Variants in GPR108 observed in about 807,000 individuals in gnomAD.
The protein encoded by GPR108 is protein GPR108.
A neutral mutation model predicts 74.3 loss-of-function variants in GPR108; 60 were observed. The ratio of observed to expected loss-of-function variants is 0.81; its 90% CI spans 0.66 to 1.00. GPR108 has a LOEUF of 1.00. Ranked by LOEUF, GPR108 falls within the 50% of genes least tolerant of loss-of-function variation. The pLI is 0.00. For synonymous variants in GPR108, 311 were observed against 292.4 expected, an observed-to-expected ratio of 1.06 and a Z score of -0.65; for missense variants, 667 against 703.3, an observed-to-expected ratio of 0.95 and a Z score of 0.58.
At position 6,736,656 on chromosome 19, in the gene GPR108, G is replaced by A. The variant is rs142540928; in HGVS notation, c.176C>T (p.Ser59Phe). The change falls in exon 2 of 18, where the codon TCT becomes TTT. Residue 59 changes from serine to phenylalanine, a missense_variant. By Grantham distance (155) the Ser-to-Phe change is radical. Transcript: ENST00000264080. ...CAGGACGCTCAACTCCACCTCCAGAGAGCCATTGGTGTAGAAACCGAAGCT... is the reference window on the plus strand; with the variant it reads ...CAGGACGCTCAACTCCACCTCCAGAAAGCCATTGGTGTAGAAACCGAAGCT... ...LNSFGFYTNG[S>F]LEVELSVLRL... is the part of the protein sequence containing the mutation. 3.2e-4 allele frequency: 511 copies of A among 1,614,098 alleles called. No homozygotes were observed. The African/African-American group carries it at 5.8e-3, about 18-fold the overall frequency.
chr19:6,733,109 G>A (rs1186307084), intron 9 of GPR108, 47 bp from the exon 10 acceptor site: 4 of 1,613,412 alleles, frequency 2.5e-6, no homozygotes, highest in East Asian at 2.2e-5. Context: ...CATCAGCAGA[G>A]CATAGGGATG....
Position 6,736,672 on chromosome 19 carries a change from A to G in GPR108, c.160T>C (p.Phe54Leu). Reference sequence around the variant, plus strand: ...ACCTCCAGAGAGCCATTGGTGTAGAAACCGAAGCTGTTCAGCTGGATGTCC... The same window carrying G: ...ACCTCCAGAGAGCCATTGGTGTAGAGACCGAAGCTGTTCAGCTGGATGTCC... The part of the protein sequence containing the change: ...RADIQLNSFG[F>L]YTNGSLEVEL... The change falls in exon 2 of 18, where the codon TTC (phenylalanine) becomes CTC (leucine). Residue 54 changes from phenylalanine to leucine, a missense_variant. Phe to Leu is a conservative substitution (Grantham distance 22). Coordinates refer to ENST00000264080, the MANE Select transcript of GPR108 (RefSeq NM_001080452.2). 1 of 1,614,040 alleles carries G rather than the reference A, an allele frequency of 6.2e-7. No individual in the cohort carries two copies. Among genetic ancestry groups the G allele is most frequent in the South Asian group, 1.1e-5 (1 of 91,082 alleles).
At chr19:6,732,195 G>A (rs370736963) in intron 12 of GPR108, 40 bp from the exon 13 acceptor site, 26 of 1,612,214 alleles carry the variant, frequency 1.6e-5, no homozygotes, top group African/African-American at 5.3e-5. Flanking sequence ...TGCCTGGCAC[G>A]CTCCCCTTTG....
At position 6,730,259 on chromosome 19, in the gene GPR108, G is replaced by A. The variant is rs1968333257; in HGVS notation, c.*53C>T. ...CCACATACGCTGTGGAAGAAGGGCA[G>A]GAGTGAGAAATGCTGGGGGAGGACG... On this transcript the variant is annotated 3_prime_UTR_variant, in exon 18 of 18. Coordinates refer to ENST00000264080, the MANE Select transcript of GPR108 (RefSeq NM_001080452.2). The A allele has an allele frequency of 2.7e-6, 4 of 1,502,974 alleles. No individual in the cohort carries two copies. The highest frequency in any genetic ancestry group is 1.4e-5 in the African/African-American group (1 of 72,790). 93.1% of individuals were successfully genotyped at this position (1,502,974 alleles called of 1,614,324 possible). A position where few individuals can be genotyped will look rare whatever the true frequency, so the allele number is the denominator to read the frequency against.
At position 6,733,422 on chromosome 19, in the gene GPR108, C is replaced by T. The variant is rs1335548805; in HGVS notation, c.724-121G>A. Reference sequence around the variant, plus strand: ...ACTGGGCCACTCATCCACTCTGAGCCTCAGTTGGCCCCGTCTCTCAAATGG... The same window carrying T: ...ACTGGGCCACTCATCCACTCTGAGCTTCAGTTGGCCCCGTCTCTCAAATGG... On this transcript the variant is annotated intron_variant, in intron 8 of 17. Transcript: ENST00000264080. 8.5e-6 allele frequency: 11 copies of T among 1,291,508 alleles called. No individual in the cohort carries two copies. The East Asian group carries it at 2.5e-4, about 29-fold the overall frequency. 80.0% of individuals were successfully genotyped at this position (1,291,508 alleles called of 1,614,324 possible). A position where few individuals can be genotyped will look rare whatever the true frequency, so the allele number is the denominator to read the frequency against.
intron 5 of GPR108, 24 bp downstream of exon 5, chr19:6,734,159 G>A (rs374664212): frequency 2.5e-5 from 40 of 1,614,190 alleles, no homozygotes; most frequent in Middle Eastern, 1.7e-4. Flanking sequence ...ATCCACCCCC[G>A]TCTGCACAGC....
Position 6,731,473 on chromosome 19 carries a change from C to T in GPR108, c.1350G>A (p.Met450Ile). ...CGCTGTGAGTGAGGCGGGCTCCTACCATGACATAGTAATGCCGGAACAGCT... is the reference window on the plus strand; with the variant it reads ...CGCTGTGAGTGAGGCGGGCTCCTACTATGACATAGTAATGCCGGAACAGCT... ...KLKLFRHYYV[M>I]VICYVYFTRI... Residue 450 changes from methionine to isoleucine, a missense_variant and splice_region_variant, in exon 15 of 18, where the codon ATG becomes ATA. By Grantham distance (10) the Met-to-Ile change is conservative. Transcript: ENST00000264080. 2.0e-6 allele frequency: 3 copies of T among 1,530,760 alleles called. No homozygotes were observed. The highest frequency in any genetic ancestry group is 2.6e-6 in the Non-Finnish European group (3 of 1,139,956). The allele number at this position is 1,530,760 out of a possible 1,614,324, so 94.8% of individuals were successfully genotyped here.
chr19:6,736,982 T>G (rs960867170), intron 1 of GPR108: 7 of 471,338 alleles, frequency 1.5e-5, no homozygotes, highest in Non-Finnish European at 2.7e-5. Flanking sequence ...CGGAGAACAG[T>G]TATTCACCTC....
At chr19:6,733,974 C>T (rs1299924035) in intron 6 of GPR108, 31 bp downstream of exon 6, 1 of 1,613,980 alleles carries the variant, frequency 6.2e-7, no homozygotes, top group African/African-American at 1.3e-5. Flanking sequence ...CTGGGGTGTG[C>T]ATCTTCCCTC....
intron 4 of GPR108, among the ~76,000 whole-genome samples, chr19:6,734,922 C>A (rs1968572995): frequency 6.6e-6 from 1 of 151,234 alleles, no homozygotes; most frequent in Non-Finnish European, 1.5e-5. Flanking sequence ...GATCTGTCGT[C>A]CAGGCTGGAG....
At chr19:6,732,624 G>A (rs1459249489) in intron 10 of GPR108, 75 bp from the exon 11 acceptor site, 2 of 1,140,990 alleles carry the variant, frequency 1.8e-6, no homozygotes, top group Non-Finnish European at 2.6e-6. Flanking sequence ...GGGGGATTAG[G>A]AACACGGACC....
At chr19:6,736,554 C>A (rs1193162883) in intron 2 of GPR108, 38 bp downstream of exon 2, 2 of 1,593,894 alleles carry the variant, frequency 1.3e-6, no homozygotes, top group Admixed American at 3.5e-5. Flanking sequence ...GGGGATTGCA[C>A]CGTGCTCTCC....
intron 4 of GPR108, among the ~76,000 whole-genome samples, chr19:6,735,131 A>G (rs2145491785): frequency 6.6e-6 from 1 of 152,294 alleles, no homozygotes; most frequent in African/African-American, 2.4e-5. Flanking sequence ...GGCCCAAGCA[A>G]TCCTTTTGCC....
chr19:6,733,206 G>C lies in GPR108; in HGVS notation c.819C>G (p.Ala273=), dbSNP rs200520747. ...GGATGGACACCCAGAAGATGCCAGC[G>C]GCCAGGAAGCAGGCGGACATGACCA... The part of the protein sequence containing the change: ...LYMVMSACFL[A]AGIFWVSILC... The change falls in exon 9 of 18, where the codon GCC becomes GCG. Residue 273 remains alanine, a synonymous_variant. Transcript: ENST00000264080. 1.2e-6 allele frequency: 2 copies of C among 1,614,092 alleles called. No individual in the cohort carries two copies. The highest frequency in any genetic ancestry group is 1.7e-6 in the Non-Finnish European group (2 of 1,180,030).
In GPR108 at chr19:6,735,437, C is replaced by T. The variant is rs2145493665; in HGVS notation, c.374+185G>A. On this transcript the variant is annotated intron_variant, in intron 4 of 17. Transcript: ENST00000264080. ...TGTATCCGGGTCTTCTGCCCTGAGACACCAACACCCGCGGAGTCCCTCTCT... is the reference window on the plus strand; with the variant it reads ...TGTATCCGGGTCTTCTGCCCTGAGATACCAACACCCGCGGAGTCCCTCTCT... 6.8e-6 allele frequency: 4 copies of T among 590,824 alleles called. No homozygotes were observed. The East Asian group carries it at 1.1e-4, about 17-fold the overall frequency. 36.6% of individuals were successfully genotyped at this position (590,824 alleles called of 1,614,324 possible). A position where few individuals can be genotyped will look rare whatever the true frequency, so the allele number is the denominator to read the frequency against.
chr19:6,734,136 G>C, intron 5 of GPR108, 47 bp downstream of exon 5: 1 of 1,614,166 alleles, frequency 6.2e-7, no homozygotes, highest in East Asian at 2.2e-5. Flanking sequence ...GAGTGCAAAG[G>C]GCAGACCTGC....
rs760285842 is a variant in GPR108 at position 6,733,292 on chromosome 19, G to A, written c.733C>T (p.Arg245Trp). The change falls in exon 9 of 18, where the codon CGG becomes TGG. Residue 245 changes from arginine to tryptophan, a missense_variant. Physicochemically the swap from Arg to Trp is moderately radical, Grantham distance 101. Transcript: ENST00000264080. ...EHPFDITVMI[R>W]EKNPDGFLSA... ...AGGAAGCCATCGGGGTTCTTCTCCC[G>A]GATCATCACCTGCGGAGGGGGCAGT... is the stretch of plus-strand genomic sequence containing the variant. 7.4e-6 allele frequency: 12 copies of A among 1,613,528 alleles called. No homozygotes were observed. Among genetic ancestry groups the A allele is most frequent in the African/African-American group, 6.7e-5 (5 of 74,934 alleles).
rs371632097 is a variant in GPR108 at position 6,735,707 on chromosome 19, G to T, written c.292-3C>A. Reference sequence around the variant, plus strand: ...GGGCAGTCCTGGAAATCCCGGGTCTGGGGGGTGGGCAGGAGGGAGTGAGTC... The same window carrying T: ...GGGCAGTCCTGGAAATCCCGGGTCTTGGGGGTGGGCAGGAGGGAGTGAGTC... On this transcript the variant is annotated splice_polypyrimidine_tract_variant and splice_region_variant and intron_variant, in intron 3 of 17. Transcript: ENST00000264080. The T allele has an allele frequency of 1.9e-6, 3 of 1,613,134 alleles. No individual in the cohort carries two copies. Among genetic ancestry groups the T allele is most frequent in the Admixed American group, 1.7e-5 (1 of 59,970 alleles).
chr19:6,732,873 G>A (rs1599542388), intron 10 of GPR108, 114 bp downstream of exon 10: 2 of 912,556 alleles, frequency 2.2e-6, no homozygotes, highest in Non-Finnish European at 1.7e-6. Flanking sequence ...GGGTGGACAC[G>A]TGGATAGCTG....
Sources: allele counts gnomAD v4.1 joint callset (sites outside exome capture counted in the v4.1 genomes callset), GRCh38; gene constraint gnomAD v4.1.1; transcripts MANE v1.5; gene names NCBI Gene and HGNC (gene_info 2026-07-23, HGNC 2026-07-21).